Variants in CLSTN2 observed in about 807,000 individuals in gnomAD.
The protein encoded by CLSTN2 is calsyntenin 2, also known as calsyntenin-2.
CLSTN2 carries 48 observed loss-of-function variants against 101.2 expected under a neutral mutation model. The observed-to-expected ratio is 0.47, with a 90% CI of 0.38 to 0.60. CLSTN2 has a LOEUF of 0.60. Ranked by LOEUF, CLSTN2 falls within the 20% of genes least tolerant of loss-of-function variation. The probability of loss-of-function intolerance (pLI) is 0.00; values close to 1 mark genes in which losing one functional copy is unlikely to be tolerated. For synonymous variants in CLSTN2, 481 were observed against 463.6 expected, an observed-to-expected ratio of 1.04 and a Z score of -0.48; for missense variants, 1,160 against 1,238.2, an observed-to-expected ratio of 0.94 and a Z score of 0.95.
chr3:140,353,242 CATATAT>C (rs34831776), intron 2 of CLSTN2, among the ~76,000 whole-genome samples: 3,441 of 146,662 alleles, frequency 0.023, 124 homozygotes, highest in African/African-American at 0.076. Context: ...TATGTTTACA[CATATAT>C]ATATATATAT....
At chr3:140,168,757 C>T (rs368939858) in intron 1 of CLSTN2, among the ~76,000 whole-genome samples, 1 of 151,956 alleles carries the variant, frequency 6.6e-6, no homozygotes, top group African/African-American at 2.4e-5. Context: ...AAACTATTCT[C>T]CTCCCCATTT....
At chr3:139,950,075 C>G (rs1040423296) in intron 1 of CLSTN2, among the ~76,000 whole-genome samples, 4 of 152,164 alleles carry the variant, frequency 2.6e-5, no homozygotes, top group African/African-American at 9.7e-5. Context: ...GAAGAGGGGC[C>G]AACCTTTGGC....
chr3:140,111,107 G>A (rs1457995935), intron 1 of CLSTN2, among the ~76,000 whole-genome samples: 1 of 152,166 alleles, frequency 6.6e-6, no homozygotes, highest in African/African-American at 2.4e-5. Context: ...TCATTCTTGA[G>A]GTCACTGCTA....
At position 140,363,840 on chromosome 3, in the gene CLSTN2, G is replaced by A. The variant is rs58275944; in HGVS notation, c.233-39789G>A. ...TGAATCGAGGAGGGGGAACCTGGGG[G>A]CTAGGAGACCAAGTGGGTTACTCTG... On this transcript the variant is annotated intron_variant, in intron 2 of 16. Transcript: ENST00000458420. Among the ~76,000 whole-genome samples, 21 of 152,274 alleles carry A rather than the reference G, an allele frequency of 1.4e-4. No individual in the cohort carries two copies. In the East Asian group the frequency reaches 3.9e-3, roughly 28 times the overall value.
chr3:140,541,213 T>A (rs895596020), intron 9 of CLSTN2, among the ~76,000 whole-genome samples: 1 of 152,262 alleles, frequency 6.6e-6, no homozygotes, highest in Non-Finnish European at 1.5e-5. Flanking sequence ...CTTCTGGTTA[T>A]GTGGCTTTGG....
chr3:140,330,336 C>T (rs948270786), intron 2 of CLSTN2, among the ~76,000 whole-genome samples: 3 of 152,150 alleles, frequency 2.0e-5, no homozygotes, highest in Non-Finnish European at 4.4e-5. Context: ...AGGTGCTGCC[C>T]GGAAGTGTGG....
At chr3:140,205,456 G>A (rs1468381413) in intron 2 of CLSTN2, among the ~76,000 whole-genome samples, 1 of 152,184 alleles carries the variant, frequency 6.6e-6, no homozygotes, top group African/African-American at 2.4e-5. Flanking sequence ...CCTTGAAGTA[G>A]GAGTTTAGAG....
chr3:140,249,996 C>T (rs1477411928), intron 2 of CLSTN2, among the ~76,000 whole-genome samples: 4 of 152,106 alleles, frequency 2.6e-5, no homozygotes, highest in African/African-American at 7.2e-5. Context: ...ATTATGACCT[C>T]GGATGCCAGG....
intron 1 of CLSTN2, among the ~76,000 whole-genome samples, chr3:139,984,783 T>C (rs142022333): frequency 6.6e-6 from 1 of 152,194 alleles, no homozygotes; most frequent in Admixed American, 6.6e-5. Flanking sequence ...CCAAAAGTTA[T>C]ACCTCTAACT....
chr3:140,284,131 A>G (rs2086873421), intron 2 of CLSTN2, among the ~76,000 whole-genome samples: 1 of 152,212 alleles, frequency 6.6e-6, no homozygotes, highest in Non-Finnish European at 1.5e-5. Context: ...GCAGCAAGAT[A>G]CTCACTGTTG....
At chr3:140,280,259 C>T (rs1034007642) in intron 2 of CLSTN2, among the ~76,000 whole-genome samples, 3 of 152,194 alleles carry the variant, frequency 2.0e-5, no homozygotes, top group Non-Finnish European at 2.9e-5. Context: ...TCCATGTTCT[C>T]TCCCGTACCC....
chr3:139,961,678 T>A (rs1254093105), intron 1 of CLSTN2, among the ~76,000 whole-genome samples: 1 of 152,186 alleles, frequency 6.6e-6, no homozygotes, highest in African/African-American at 2.4e-5. Context: ...CTTGCCTTTT[T>A]AAGGGACAAG....
At chr3:140,532,731 A>C (rs1272549741) in intron 9 of CLSTN2, among the ~76,000 whole-genome samples, 2 of 152,198 alleles carry the variant, frequency 1.3e-5, no homozygotes, top group East Asian at 1.9e-4. Flanking sequence ...GTTGTCTCTG[A>C]GTTTCTAATG....
chr3:140,328,375 G>C (rs771272431), intron 2 of CLSTN2, among the ~76,000 whole-genome samples: 19 of 152,186 alleles, frequency 1.2e-4, no homozygotes, highest in Admixed American at 2.6e-4. Context: ...TTACTAAGCT[G>C]CTGGGTCCAC....
chr3:140,133,153 T>A (rs1018413090), intron 1 of CLSTN2, among the ~76,000 whole-genome samples: 1 of 152,096 alleles, frequency 6.6e-6, no homozygotes, highest in South Asian at 2.1e-4. Flanking sequence ...TGTCACATGG[T>A]GGGAAAGGGA....
intron 2 of CLSTN2, among the ~76,000 whole-genome samples, chr3:140,185,312 T>C (rs2010470100): frequency 6.6e-6 from 1 of 152,042 alleles, no homozygotes; most frequent in Non-Finnish European, 1.5e-5. Flanking sequence ...CTTTATACAA[T>C]GAATCAGGAA....
In CLSTN2 at chr3:140,132,020, C is replaced by G. The variant is rs78057958; in HGVS notation, c.110-43931C>G. On this transcript the variant is annotated intron_variant, in intron 1 of 16. Transcript: ENST00000458420. ...ATTTAAAAGCAGGTGATACAACAAC[C>G]CCCAAAGTAATAAGCTTCTCTCAGA... Among the ~76,000 whole-genome samples the G allele has an allele frequency of 6.3e-3, 960 of 152,242 alleles. 4 individuals carry two copies. Among genetic ancestry groups the G allele is most frequent in the African/African-American group, 0.02 (830 of 41,532 alleles).
intron 2 of CLSTN2, among the ~76,000 whole-genome samples, chr3:140,323,072 C>T (rs1051060937): frequency 1.3e-5 from 2 of 152,186 alleles, no homozygotes; most frequent in African/African-American, 4.8e-5. Context: ...GTAGATGCTG[C>T]GCTTGAGAAC....
At position 140,454,552 on chromosome 3, in the gene CLSTN2, A is replaced by G. The variant is rs1933347945; in HGVS notation, c.974-4969A>G. 2.0e-5 allele frequency: 3 copies of G among 152,242 alleles called. No homozygotes were observed. In the South Asian group the frequency reaches 6.2e-4, roughly 32 times the overall value. 9.4% of individuals were successfully genotyped at this position (152,242 alleles called of 1,614,324 possible). A position where few individuals can be genotyped will look rare whatever the true frequency, so the allele number is the denominator to read the frequency against. On this transcript the variant is annotated intron_variant, in intron 6 of 16. Coordinates refer to ENST00000458420, the MANE Select transcript of CLSTN2 (RefSeq NM_022131.3). ...GGAATTTTAACTGCTGATGACAATC[A>G]CTGATATAGATTATCAGTCGGGGTA...
Sources: allele counts gnomAD v4.1 joint callset (sites outside exome capture counted in the v4.1 genomes callset), GRCh38; gene constraint gnomAD v4.1.1; transcripts MANE v1.5; gene names NCBI Gene and HGNC (gene_info 2026-07-23, HGNC 2026-07-21).